The following ANKRD30B variants were observed in gnomAD, a reference collection of about 807,000 sequenced individuals.
The protein encoded by ANKRD30B is ankyrin repeat domain-containing protein 30B.
ANKRD30B carries 144 observed loss-of-function variants against 202.2 expected under a neutral mutation model. The ratio of observed to expected loss-of-function variants is 0.71; its 90% CI spans 0.62 to 0.82. The LOEUF (loss-of-function observed/expected upper bound fraction) is 0.82. Among genes scored for constraint, ANKRD30B ranks in the 40% least tolerant of loss-of-function variants. The pLI, the probability that ANKRD30B is intolerant of heterozygous loss-of-function variation, is 0.00. For synonymous variants in ANKRD30B, 508 were observed against 561.3 expected, an observed-to-expected ratio of 0.91 and a Z score of 1.34; for missense variants, 1,487 against 1,669.1, an observed-to-expected ratio of 0.89 and a Z score of 1.90.
chr18:14,756,225 C>G (rs1031774402), intron 4 of ANKRD30B, among the ~76,000 whole-genome samples: 1 of 151,988 alleles, frequency 6.6e-6, no homozygotes, highest in African/African-American at 2.4e-5. Flanking sequence ...TCTGTTCATA[C>G]CCTTTGCCCA....
At chr18:14,838,992 G>T (rs139044716) in intron 36 of ANKRD30B, among the ~76,000 whole-genome samples, 175 of 152,276 alleles carry the variant, frequency 1.1e-3, no homozygotes, top group African/African-American at 3.9e-3. Flanking sequence ...TTTGGGTAAG[G>T]GGATGGTAAC....
At chr18:14,917,437 G>A in the ANKRD30B span, among the ~76,000 whole-genome samples, 1 of 151,580 alleles carries the variant, frequency 6.6e-6, no homozygotes, top group African/African-American at 2.4e-5. Context: ...CTCTTTCTCT[G>A]TGTCCTCAGT....
At chr18:14,784,887 C>T (rs958395937) in intron 14 of ANKRD30B, among the ~76,000 whole-genome samples, 26 of 152,056 alleles carry the variant, frequency 1.7e-4, no homozygotes, top group Admixed American at 1.5e-3. Flanking sequence ...CGGTTTACTT[C>T]GGGGATCAAG....
chr18:14,808,538 C>T lies in ANKRD30B; in HGVS notation c.2285-13C>T. Reference sequence around the variant, plus strand: ...TTGCATATAATCAATTATATATGTCCCTTTTCTTTTAGAGTCTCCTGATAA... The same window carrying T: ...TTGCATATAATCAATTATATATGTCTCTTTTCTTTTAGAGTCTCCTGATAA... On this transcript the variant is annotated splice_polypyrimidine_tract_variant and intron_variant, in intron 24 of 43. Transcript: ENST00000690538. The T allele has an allele frequency of 2.1e-6, 3 of 1,455,186 alleles. 1 individual carries two copies. Among genetic ancestry groups the T allele is most frequent in the Non-Finnish European group, 2.9e-6 (3 of 1,041,620 alleles). The allele number at this position is 1,455,186 out of a possible 1,614,324, so 90.1% of individuals were successfully genotyped here.
chr18:14,754,899 G>T lies in ANKRD30B; in HGVS notation c.511G>T (p.Ala171Ser). 2 of 1,523,448 alleles carry T rather than the reference G, an allele frequency of 1.3e-6. No homozygotes were observed. The highest frequency in any genetic ancestry group is 2.6e-5 in the South Asian group (2 of 78,160). The allele number at this position is 1,523,448 out of a possible 1,614,324, so 94.4% of individuals were successfully genotyped here. The stretch of plus-strand genomic sequence containing the variant: ...TATATATTGTTCTGCTATTTTACAG[G>T]CTAGCCTCACACCCCTTTTACTGGC... Reference protein sequence around the residue: ...YGAVIEVQNKASLTPLLLAIQ... With the variant: ...YGAVIEVQNKSSLTPLLLAIQ... Residue 171 changes from alanine (A) to serine (S), a missense_variant and splice_region_variant, in exon 4 of 44, where the codon GCT (alanine) becomes TCT (serine). Physicochemically the swap from Ala to Ser is moderately conservative, Grantham distance 99. Transcript: ENST00000690538.
chr18:14,897,306 C>A, the ANKRD30B span, among the ~76,000 whole-genome samples: 1 of 152,074 alleles, frequency 6.6e-6, no homozygotes, highest in Admixed American at 6.5e-5. Flanking sequence ...TCAGCCTCCC[C>A]TGTAGCTGCA....
chr18:14,776,848 G>A (rs1351508773), intron 9 of ANKRD30B, among the ~76,000 whole-genome samples: 2 of 152,048 alleles, frequency 1.3e-5, no homozygotes, highest in Non-Finnish European at 2.9e-5. Flanking sequence ...TTCTGTATCA[G>A]CAAAAACTTG....
chr18:14,931,019 G>A, the ANKRD30B span, among the ~76,000 whole-genome samples: 1 of 152,140 alleles, frequency 6.6e-6, no homozygotes, highest in Non-Finnish European at 1.5e-5. Flanking sequence ...AGTTATGCTG[G>A]CCCAGCAATC....
intron 42 of ANKRD30B, chr18:14,852,650 G>A (rs1274915503): frequency 2.6e-6 from 1 of 390,886 alleles, no homozygotes; most frequent in Non-Finnish European, 4.2e-6. Context: ...TTAAGTTAAA[G>A]ATTTTTAATA....
At chr18:14,840,453 T>G (rs532312900) in intron 36 of ANKRD30B, 135 bp from the exon 37 acceptor site, 4 of 317,282 alleles carry the variant, frequency 1.3e-5, no homozygotes, top group African/African-American at 8.8e-5. Flanking sequence ...GCAGGATAAT[T>G]ACTTGGTCTT....
chr18:14,910,762 C>T, the ANKRD30B span, among the ~76,000 whole-genome samples: 4 of 152,100 alleles, frequency 2.6e-5, no homozygotes, highest in African/African-American at 4.8e-5. Flanking sequence ...TAAGTGTTCT[C>T]TTTTCCCTGC....
chr18:14,879,474 G>A, the ANKRD30B span, among the ~76,000 whole-genome samples: 12 of 152,044 alleles, frequency 7.9e-5, no homozygotes, highest in South Asian at 2.1e-4. Context: ...CCTCGCTGCC[G>A]TGCAGTCCTA....
At chr18:14,912,025 G>A in the ANKRD30B span, among the ~76,000 whole-genome samples, 1 of 152,148 alleles carries the variant, frequency 6.6e-6, no homozygotes, top group Non-Finnish European at 1.5e-5. Flanking sequence ...TATTGGTGGA[G>A]TCCTTTAGAG....
chr18:14,770,609 G>A lies in ANKRD30B; in HGVS notation c.1256+1236G>A, dbSNP rs1409494972. On this transcript the variant is annotated intron_variant, in intron 8 of 43. Transcript: ENST00000690538. ...AAAGAAACAATCCCAGGATTGGTAG[G>A]AGTAAGGGTTTTACCAAAGAGATCA... Among the ~76,000 whole-genome samples the A allele has an allele frequency of 6.6e-5, 10 of 152,252 alleles. No individual in the cohort carries two copies. The East Asian group carries it at 1.9e-3, about 29-fold the overall frequency.
At chr18:14,861,664 A>G in the ANKRD30B span, among the ~76,000 whole-genome samples, 1 of 151,176 alleles carries the variant, frequency 6.6e-6, no homozygotes, top group Non-Finnish European at 1.5e-5. Flanking sequence ...ACACAGCTGT[A>G]CAATAATCAT....
chr18:14,860,224 T>C, the ANKRD30B span, among the ~76,000 whole-genome samples: 5 of 116,656 alleles, frequency 4.3e-5, no homozygotes, highest in African/African-American at 6.7e-5. Context: ...TGCTCCTCAC[T>C]TCCCAGACGG....
At chr18:14,919,877 C>A in the ANKRD30B span, among the ~76,000 whole-genome samples, 5 of 152,160 alleles carry the variant, frequency 3.3e-5, no homozygotes, top group African/African-American at 1.2e-4. Context: ...CAAGCTGGGG[C>A]AGAAGTGGGG....
intron 30 of ANKRD30B, among the ~76,000 whole-genome samples, chr18:14,815,318 G>A (rs1242354150): frequency 5.5e-5 from 8 of 144,548 alleles, no homozygotes; most frequent in Admixed American, 3.6e-4. Flanking sequence ...TATACACTCC[G>A]TATAGACCGT....
the ANKRD30B span, among the ~76,000 whole-genome samples, chr18:14,929,152 T>C: frequency 3.3e-5 from 5 of 152,226 alleles, no homozygotes; most frequent in Non-Finnish European, 7.3e-5. Flanking sequence ...CACCCTTGTG[T>C]GTCCGTCCTT....
Sources: gnomAD v4.1 joint callset for allele counts (sites outside exome capture counted in the v4.1 genomes callset) on GRCh38, gnomAD v4.1.1 for gene constraint, MANE v1.5 for transcripts, NCBI Gene and HGNC (gene_info 2026-07-23, HGNC 2026-07-21) for gene names.